Variants in DLGAP2 observed in about 807,000 individuals in gnomAD.
DLGAP2 encodes DLG associated protein 2.
In DLGAP2, 26 loss-of-function variants were observed where a neutral mutation model predicts 100.3. That is an observed-to-expected ratio of 0.26 (90% CI 0.19 to 0.36). The LOEUF (loss-of-function observed/expected upper bound fraction) is 0.36, where lower values mean the gene tolerates loss of function less well. Among genes scored for constraint, DLGAP2 ranks in the 10% least tolerant of loss-of-function variants. DLGAP2 has a pLI of 1.00. For missense variants in DLGAP2, 1,858 were observed against 1,453.2 expected, an observed-to-expected ratio of 1.28 and a Z score of -4.53; for synonymous variants, 886 against 630.1, an observed-to-expected ratio of 1.41 and a Z score of -6.08.
chr8:1,292,721 C>T (rs770825971), intron 3 of DLGAP2, among the ~76,000 whole-genome samples: 3 of 152,090 alleles, frequency 2.0e-5, no homozygotes, highest in African/African-American at 7.2e-5. Context: ...TTTCTTCTGA[C>T]CCAGGAATTA....
At chr8:1,058,520 A>G (rs1257291994) in intron 2 of DLGAP2, among the ~76,000 whole-genome samples, 1 of 152,180 alleles carries the variant, frequency 6.6e-6, no homozygotes, top group Non-Finnish European at 1.5e-5. Context: ...GCCATGCAAC[A>G]ACGTAGCTGG....
chr8:1,521,554 C>T (rs567127204), intron 4 of DLGAP2, among the ~76,000 whole-genome samples: 4 of 18,130 alleles, frequency 2.2e-4, no homozygotes, highest in Non-Finnish European at 3.4e-4. Flanking sequence ...TTGGAATACT[C>T]GGGGGCAGCT....
chr8:1,389,244 G>A (rs111732333), intron 3 of DLGAP2, among the ~76,000 whole-genome samples: 1 of 147,474 alleles, frequency 6.8e-6, no homozygotes, highest in Non-Finnish European at 1.5e-5. Context: ...TGGAGGAGGA[G>A]GATTGGAAGG....
intron 2 of DLGAP2, among the ~76,000 whole-genome samples, chr8:1,042,364 T>C (rs1237863018): frequency 1.3e-5 from 2 of 152,104 alleles, no homozygotes; most frequent in Admixed American, 6.5e-5. Flanking sequence ...TCCTTAGGGG[T>C]TTCAGGAAAA....
intron 8 of DLGAP2, among the ~76,000 whole-genome samples, chr8:1,637,265 G>A (rs1200819411): frequency 1.3e-5 from 2 of 152,182 alleles, no homozygotes; most frequent in Non-Finnish European, 2.9e-5. Context: ...AAGGCTTTGG[G>A]AAGGACATTT....
intron 2 of DLGAP2, among the ~76,000 whole-genome samples, chr8:1,138,691 A>G (rs907116635): frequency 6.6e-6 from 1 of 152,248 alleles, no homozygotes; most frequent in African/African-American, 2.4e-5. Context: ...TTTGAAGCCA[A>G]GTTTCAGTCT....
intron 3 of DLGAP2, among the ~76,000 whole-genome samples, chr8:1,364,944 C>T (rs1413984619): frequency 6.6e-6 from 1 of 152,194 alleles, no homozygotes; most frequent in Non-Finnish European, 1.5e-5. Flanking sequence ...CCACCTTCCT[C>T]AGAGACTGGG....
intron 14 of DLGAP2, among the ~76,000 whole-genome samples, chr8:1,700,095 C>T (rs969716386): frequency 4.6e-5 from 7 of 152,162 alleles, no homozygotes; most frequent in African/African-American, 1.7e-4. Flanking sequence ...TAAAACAAGC[C>T]GAGGGAACAA....
rs184346896 is a variant in DLGAP2, at chr8:1,268,683, T to G, written c.106+9800T>G. Among the ~76,000 whole-genome samples, 14 of 152,340 alleles carry G rather than the reference T, an allele frequency of 9.2e-5. No individual in the cohort carries two copies. In the East Asian group the frequency reaches 2.7e-3, roughly 29 times the overall value. ...ACAAAGATGTTGGGTGGTTATTAGA[T>G]TTCCTGAGAGTTACATGTCTCTGCA... On this transcript the variant is annotated intron_variant, in intron 3 of 14. Coordinates refer to ENST00000637795, the MANE Select transcript of DLGAP2 (RefSeq NM_001346810.2).
At chr8:1,379,900 CCTG>C (rs1425662081) in intron 3 of DLGAP2, among the ~76,000 whole-genome samples, 1 of 147,732 alleles carries the variant, frequency 6.8e-6, no homozygotes, top group African/African-American at 2.5e-5. Context: ...TCCCTCCCCT[CCTG>C]CTCGGTGGGG....
chr8:1,549,691 G>A lies in DLGAP2; in HGVS notation c.1230+8G>A. On this transcript the variant is annotated splice_region_variant and intron_variant, in intron 5 of 14. Transcript: ENST00000637795. ...CCGTGCCACTACCTCCAGGTAAGCA[G>A]GCTCACGGCCCTGTGGAGGCCGTCT... The A allele has an allele frequency of 6.5e-7, 1 of 1,537,674 alleles. No homozygotes were observed. The highest frequency in any genetic ancestry group is 8.8e-7 in the Non-Finnish European group (1 of 1,140,140).
chr8:1,098,602 GCCGC>G (rs1804470615), intron 2 of DLGAP2, among the ~76,000 whole-genome samples: 1 of 106,908 alleles, frequency 9.4e-6, no homozygotes, highest in Admixed American at 9.3e-5. Flanking sequence ...CAGGCTCCCG[GCCGC>G]CCACGGGCGC....
intron 3 of DLGAP2, chr8:1,302,498 C>T (rs866374547): frequency 6.6e-6 from 1 of 151,956 alleles, no homozygotes; most frequent in African/African-American, 2.4e-5. Flanking sequence ...GGACTGGACT[C>T]GGAAGTTTCT....
At chr8:894,908 G>A (rs1467358940) in intron 1 of DLGAP2, among the ~76,000 whole-genome samples, 97 of 129,472 alleles carry the variant, frequency 7.5e-4, no homozygotes, top group African/African-American at 2.4e-3. Flanking sequence ...CGGCAGGGGC[G>A]GGGTGGGGGG....
chr8:1,360,311 C>G (rs62487415), intron 3 of DLGAP2, among the ~76,000 whole-genome samples: 12 of 60,670 alleles, frequency 2.0e-4, no homozygotes, highest in South Asian at 6.8e-4. Context: ...GGGGCTTCTC[C>G]GGGGCGGGGC....
chr8:836,531 C>T (rs771460302), intron 1 of DLGAP2, among the ~76,000 whole-genome samples: 49 of 152,290 alleles, frequency 3.2e-4, no homozygotes, highest in Middle Eastern at 3.4e-3. Context: ...GGTGCGGGGG[C>T]ACACAAGGCT....
intron 1 of DLGAP2, among the ~76,000 whole-genome samples, chr8:746,389 CTG>C (rs1346258039): frequency 1.3e-5 from 2 of 152,224 alleles, no homozygotes; most frequent in Non-Finnish European, 2.9e-5. Flanking sequence ...GATGAGGAAA[CTG>C]GGGAAGAGGG....
chr8:1,412,006 G>T (rs547471096), intron 3 of DLGAP2, among the ~76,000 whole-genome samples: 1 of 152,326 alleles, frequency 6.6e-6, no homozygotes, highest in South Asian at 2.1e-4. Flanking sequence ...AGACACAGAT[G>T]CCATGGGCAG....
At chr8:997,417 A>G (rs1300840166) in intron 2 of DLGAP2, among the ~76,000 whole-genome samples, 1 of 152,194 alleles carries the variant, frequency 6.6e-6, no homozygotes, top group Non-Finnish European at 1.5e-5. Flanking sequence ...ACATGTTATA[A>G]GACATTGAAC....
Sources: gnomAD v4.1 joint callset for allele counts (sites outside exome capture counted in the v4.1 genomes callset) on GRCh38, gnomAD v4.1.1 for gene constraint, MANE v1.5 for transcripts, NCBI Gene and HGNC (gene_info 2026-07-23, HGNC 2026-07-21) for gene names.